The following FUCA1 variants were observed in gnomAD, a reference collection of about 807,000 sequenced individuals.
FUCA1 encodes alpha-L-fucosidase 1, also known as tissue alpha-L-fucosidase.
In FUCA1, 52 loss-of-function variants were observed where a neutral mutation model predicts 56.8. The ratio of observed to expected loss-of-function variants is 0.92; its 90% CI spans 0.73 to 1.15. The LOEUF (loss-of-function observed/expected upper bound fraction) is 1.15. Ranked by LOEUF, FUCA1 falls within the 50% of genes most tolerant of loss-of-function variation. The pLI is 0.00. For synonymous variants in FUCA1, 230 were observed against 226.6 expected (o/e 1.02, Z -0.14); for missense variants, 568 against 592.6 (o/e 0.96, Z 0.43).
rs1455629091 is a variant in FUCA1 at position 23,852,849 on chromosome 1, G to A, written c.969+1511C>T. ...TACAACCTCCACCTCCCAGCCGCCTGCCTTGGCCTCCCAAAGTGCCGAGAT... is the reference window on the plus strand; with the variant it reads ...TACAACCTCCACCTCCCAGCCGCCTACCTTGGCCTCCCAAAGTGCCGAGAT... On this transcript the variant is annotated intron_variant, in intron 5 of 7. Coordinates refer to ENST00000374479, the MANE Select transcript of FUCA1 (RefSeq NM_000147.5). Among the ~76,000 whole-genome samples the A allele has an allele frequency of 6.6e-5, 10 of 152,042 alleles. No homozygotes were observed. The South Asian group carries it at 2.1e-3, about 32-fold the overall frequency.
chr1:23,859,655 C>T, intron 4 of FUCA1, 143 bp downstream of exon 4: 1 of 653,164 alleles, frequency 1.5e-6, no homozygotes, highest in Non-Finnish European at 2.8e-6. Flanking sequence ...CCTTTAACAT[C>T]CATTAAGTGT....
At chr1:23,849,575 CTT>C (rs991049814) in intron 5 of FUCA1, among the ~76,000 whole-genome samples, 4 of 80,260 alleles carry the variant, frequency 5.0e-5, no homozygotes, top group South Asian at 4.6e-4. Flanking sequence ...GAGATACGTT[CTT>C]TTTTTTTTTT....
chr1:23,866,504 C>A (rs1031692746), intron 1 of FUCA1, among the ~76,000 whole-genome samples: 3 of 152,172 alleles, frequency 2.0e-5, no homozygotes, highest in South Asian at 2.1e-4. Flanking sequence ...ATAGGTAATG[C>A]ACTTTATGGT....
chr1:23,846,090 G>C lies in FUCA1; in HGVS notation c.1244C>G (p.Thr415Ser), dbSNP rs1639133056. The stretch of plus-strand genomic sequence containing the variant: ...CCTCTTTACCTTTGTAGTTGAGGTA[G>C]TTATGGGGGATTCAAGGTTTAAGAC... ...NGVLNLESPI[T>S]TSTTKITMLG... The change falls in exon 7 of 8, where the codon ACT becomes AGT. Residue 415 changes from threonine to serine, a missense_variant. Transcript: ENST00000374479. 1.2e-6 allele frequency: 2 copies of C among 1,613,410 alleles called. No individual in the cohort carries two copies. Among genetic ancestry groups the C allele is most frequent in the Non-Finnish European group, 1.7e-6 (2 of 1,179,350 alleles).
chr1:23,868,203 C>A lies in FUCA1; in HGVS notation c.84G>T (p.Val28=). ...LLLFLGAAES[V]RRAQPPRRYT... Reference sequence around the variant, plus strand: ...AGCGGCGCGGAGGCTGGGCCCGACGCACCGACTCGGCCGCTCCGAGGAAGA... The same window carrying A: ...AGCGGCGCGGAGGCTGGGCCCGACGAACCGACTCGGCCGCTCCGAGGAAGA... Residue 28 remains valine, a synonymous_variant, in exon 1 of 8, where the codon GTG becomes GTT. Transcript: ENST00000374479. 1 of 1,596,614 alleles carries A rather than the reference C, an allele frequency of 6.3e-7. No individual in the cohort carries two copies. Among genetic ancestry groups the A allele is most frequent in the Non-Finnish European group, 8.5e-7 (1 of 1,172,650 alleles).
At chr1:23,866,819 A>G (rs1639633431) in intron 1 of FUCA1, among the ~76,000 whole-genome samples, 1 of 152,182 alleles carries the variant, frequency 6.6e-6, no homozygotes, top group Admixed American at 6.5e-5. Context: ...AAAGGCATGG[A>G]AAGAGGTTAT....
intron 6 of FUCA1, among the ~76,000 whole-genome samples, chr1:23,846,676 G>T (rs990022887): frequency 6.6e-6 from 1 of 151,980 alleles, no homozygotes; most frequent in Non-Finnish European, 1.5e-5. Flanking sequence ...CCACTTCCCA[G>T]GTTCAAGCAA....
intron 6 of FUCA1, among the ~76,000 whole-genome samples, chr1:23,846,490 T>C (rs1447761966): frequency 6.6e-6 from 1 of 152,164 alleles, no homozygotes; most frequent in Non-Finnish European, 1.5e-5. Flanking sequence ...AGGCTGGTCT[T>C]GAACTCCTGG....
At chr1:23,855,282 G>A (rs1026625519) in intron 4 of FUCA1, among the ~76,000 whole-genome samples, 1 of 152,188 alleles carries the variant, frequency 6.6e-6, no homozygotes, top group Non-Finnish European at 1.5e-5. Flanking sequence ...CAGATCATGA[G>A]GTCAGGAGAT....
In FUCA1 at chr1:23,854,349, G is replaced by T. The variant is rs2148442736; in HGVS notation, c.969+11C>A. 6.2e-7 allele frequency: 1 copy of T among 1,606,026 alleles called. No individual in the cohort carries two copies. The highest frequency in any genetic ancestry group is 8.5e-7 in the Non-Finnish European group (1 of 1,173,896). On this transcript the variant is annotated intron_variant, in intron 5 of 7. Transcript: ENST00000374479. ...AAAAAACAAAAACAAAAAACTCAAA[G>T]GTGCTCTTACCGAAATGATTTCAGA...
chr1:23,850,303 C>T (rs769206645), intron 5 of FUCA1, among the ~76,000 whole-genome samples: 6 of 100,462 alleles, frequency 6.0e-5, no homozygotes, highest in East Asian at 2.9e-4. Flanking sequence ...GCAACAAGAG[C>T]GAAATTCCAT....
At chr1:23,861,136 A>G (rs1639501885) in intron 3 of FUCA1, among the ~76,000 whole-genome samples, 1 of 151,558 alleles carries the variant, frequency 6.6e-6, no homozygotes, top group South Asian at 2.1e-4. Flanking sequence ...ATCCTAGCTA[A>G]CACCGTGAAA....
intron 3 of FUCA1, among the ~76,000 whole-genome samples, 153 bp downstream of exon 3, chr1:23,862,981 C>T (rs1484555517): frequency 2.0e-5 from 3 of 152,190 alleles, no homozygotes; most frequent in African/African-American, 7.2e-5. Flanking sequence ...GAGGAAAGAA[C>T]ATATTTTGTC....
chr1:23,859,929 G>T, intron 3 of FUCA1, 26 bp from the exon 4 acceptor site: 1 of 1,436,536 alleles, frequency 7.0e-7, no homozygotes, highest in Non-Finnish European at 9.8e-7. Flanking sequence ...TCAGGACAGA[G>T]CTTATTATCT....
intron 6 of FUCA1, among the ~76,000 whole-genome samples, chr1:23,847,824 C>A (rs1639173003): frequency 6.6e-6 from 1 of 152,130 alleles, no homozygotes; most frequent in Admixed American, 6.6e-5. Flanking sequence ...GAGTTTGAGA[C>A]CAGCCTGGCC....
At chr1:23,852,311 C>A (rs141962529) in intron 5 of FUCA1, among the ~76,000 whole-genome samples, 10 of 151,978 alleles carry the variant, frequency 6.6e-5, no homozygotes. Flanking sequence ...GTTCTAGCTA[C>A]TCAGGAGGCT....
In FUCA1 at chr1:23,865,505, T is replaced by C. The variant is rs1347120120; in HGVS notation, c.510A>G (p.Thr170=). The part of the protein sequence containing the change: ...PHRDLVGELG[T]ALRKRNIRYG... ...TGGACACTCACCTCTTCCGGAGAGC[T>C]GTTCCCAATTCACCAACCAAATCCC... Residue 170 remains threonine (T), a synonymous_variant, in exon 2 of 8, where the codon ACA becomes ACG. Coordinates refer to ENST00000374479, the MANE Select transcript of FUCA1 (RefSeq NM_000147.5). 2.5e-6 allele frequency: 4 copies of C among 1,614,238 alleles called. No individual in the cohort carries two copies. The highest frequency in any genetic ancestry group is 3.3e-5 in the Admixed American group (2 of 60,022).
intron 5 of FUCA1, among the ~76,000 whole-genome samples, chr1:23,853,552 T>C (rs1639321764): frequency 6.6e-6 from 1 of 151,912 alleles, no homozygotes; most frequent in South Asian, 2.1e-4. Flanking sequence ...CACCACCCCG[T>C]CTGGGAGGTG....
intron 5 of FUCA1, among the ~76,000 whole-genome samples, chr1:23,850,946 AAAT>A (rs925934554): frequency 2.0e-5 from 3 of 151,362 alleles, no homozygotes; most frequent in Admixed American, 6.6e-5. Flanking sequence ...ACTTTATTAA[AAAT>A]AATAATAATA....
Sources: gnomAD v4.1 joint callset for allele counts (sites outside exome capture counted in the v4.1 genomes callset) on GRCh38, gnomAD v4.1.1 for gene constraint, MANE v1.5 for transcripts, NCBI Gene and HGNC (gene_info 2026-07-23, HGNC 2026-07-21) for gene names.